IL7: variants seen among roughly 807,000 people sequenced by gnomAD.
The protein encoded by IL7 is interleukin 7.
A neutral mutation model predicts 21.6 loss-of-function variants in IL7; 3 were observed. The ratio of observed to expected loss-of-function variants is 0.14; its 90% CI spans 0.06 to 0.36. IL7 has a LOEUF of 0.36. IL7 is among the 10% of genes least tolerant of loss of function. IL7 has a pLI of 1.00. For synonymous variants in IL7, 62 were observed against 68.1 expected (o/e 0.91, Z 0.44); for missense variants, 175 against 200.2 (o/e 0.87, Z 0.76).
intron 5 of IL7, 38 bp downstream of exon 5, chr8:78,736,436 C>A: frequency 1.5e-6 from 2 of 1,341,604 alleles, no homozygotes; most frequent in Non-Finnish European, 1.0e-6. Flanking sequence ...GAGTAAAAAC[C>A]TGATGAACCA....
chr8:78,689,494 AGTTT>A, intron 3 of IL7: 30 of 850,072 alleles, frequency 3.5e-5, no homozygotes, highest in Middle Eastern at 3.6e-4. Context: ...ATAGATATAT[AGTTT>A]TATATATCTA....
At chr8:78,730,333 A>G (rs1811402720), downstream of IL7, among the ~76,000 whole-genome samples, 1 of 151,972 alleles carries the variant, frequency 6.6e-6, no homozygotes, top group African/African-American at 2.4e-5. Context: ...GTATTTTTAT[A>G]TTTAGACATT....
chr8:78,739,285 T>G (rs925767222), intron 3 of IL7, among the ~76,000 whole-genome samples: 4 of 152,160 alleles, frequency 2.6e-5, no homozygotes, highest in African/African-American at 9.7e-5. Flanking sequence ...TGGTAATCAT[T>G]TAGAGATAAG....
chr8:78,752,883 T>C (rs1441348372), intron 2 of IL7, among the ~76,000 whole-genome samples: 1 of 152,126 alleles, frequency 6.6e-6, no homozygotes, highest in Admixed American at 6.6e-5. Context: ...CTGAGAATGA[T>C]GGTTTCCTGC....
At chr8:78,756,361 T>A (rs1812347564) in intron 2 of IL7, among the ~76,000 whole-genome samples, 1 of 151,976 alleles carries the variant, frequency 6.6e-6, no homozygotes, top group Non-Finnish European at 1.5e-5. Context: ...CCTTTTCGTT[T>A]TTTTCTTTAA....
intron 2 of IL7, among the ~76,000 whole-genome samples, chr8:78,748,392 T>G (rs542762636): frequency 6.6e-6 from 1 of 152,268 alleles, no homozygotes; most frequent in African/African-American, 2.4e-5. Context: ...ATGAATAGAT[T>G]TGAGAAATAA....
intron 3 of IL7, among the ~76,000 whole-genome samples, chr8:78,704,245 G>T (rs190756179): frequency 3.3e-5 from 5 of 151,900 alleles, no homozygotes; most frequent in Admixed American, 3.3e-4. Context: ...AAAATTAGCC[G>T]GGTGTGGTTG....
downstream of IL7, chr8:78,717,234 C>G: frequency 8.7e-7 from 1 of 1,144,470 alleles, no homozygotes; most frequent in African/African-American, 1.6e-5. Flanking sequence ...ATTAAGCAGG[C>G]TAATTGTTAT....
chr8:78,795,402 C>A (rs1053964394), intron 2 of IL7, among the ~76,000 whole-genome samples: 8 of 152,056 alleles, frequency 5.3e-5, no homozygotes, highest in African/African-American at 1.9e-4. Flanking sequence ...CTCAGTTGGA[C>A]TGATTAGCTG....
At chr8:78,776,596 T>A (rs1269558622) in intron 2 of IL7, among the ~76,000 whole-genome samples, 1 of 152,112 alleles carries the variant, frequency 6.6e-6, no homozygotes, top group Non-Finnish European at 1.5e-5. Context: ...TTCTTAAGGA[T>A]GTGAGATAGG....
At chr8:78,787,646 C>T (rs1401992903) in intron 2 of IL7, among the ~76,000 whole-genome samples, 1 of 152,030 alleles carries the variant, frequency 6.6e-6, no homozygotes, top group Non-Finnish European at 1.5e-5. Flanking sequence ...AGTTTCCTCC[C>T]AACTGAGAAA....
intron 3 of IL7, chr8:78,686,579 C>T (rs1809981975): frequency 1.3e-6 from 2 of 1,518,336 alleles, no homozygotes; most frequent in South Asian, 1.4e-5. Context: ...GGCAAACTTC[C>T]TCCTCCTCCT....
intron 2 of IL7, among the ~76,000 whole-genome samples, chr8:78,758,387 T>G (rs1426613151): frequency 6.6e-6 from 1 of 152,142 alleles, no homozygotes; most frequent in Non-Finnish European, 1.5e-5. Flanking sequence ...GGTCATTTTC[T>G]GTAGTGACAA....
intron 3 of IL7, among the ~76,000 whole-genome samples, chr8:78,726,974 C>T (rs1199560435): frequency 6.6e-6 from 1 of 151,946 alleles, no homozygotes; most frequent in African/African-American, 2.4e-5. Context: ...GGACAGAGAT[C>T]CTTTCAGTTA....
intron 5 of IL7, among the ~76,000 whole-genome samples, chr8:78,735,990 A>T (rs1811579527): frequency 6.6e-6 from 1 of 151,190 alleles, no homozygotes; most frequent in South Asian, 2.1e-4. Flanking sequence ...AATAATGTCT[A>T]GTAGTATATG....
intron 3 of IL7, among the ~76,000 whole-genome samples, chr8:78,722,134 A>G (rs909176632): frequency 6.6e-6 from 1 of 152,020 alleles, no homozygotes; most frequent in South Asian, 2.1e-4. Context: ...AATTTTTAAA[A>G]TAAATGCACA....
At chr8:78,735,716 A>G (rs2130670037) in intron 5 of IL7, among the ~76,000 whole-genome samples, 1 of 152,320 alleles carries the variant, frequency 6.6e-6, no homozygotes, top group South Asian at 2.1e-4. Context: ...TAGAATCCCT[A>G]GAATTTCCTA....
intron 2 of IL7, among the ~76,000 whole-genome samples, chr8:78,765,111 C>T (rs1812714463): frequency 6.6e-6 from 1 of 152,022 alleles, no homozygotes; most frequent in African/African-American, 2.4e-5. Flanking sequence ...GCTAAGACAA[C>T]TGGACATTCA....
At position 78,804,793 on chromosome 8, in the gene IL7, T is replaced by A. The variant is rs576536637; in HGVS notation, c.10+120A>T. 2,413 of 1,150,326 alleles carry A rather than the reference T, an allele frequency of 2.1e-3. 4 individuals carry two copies. The highest frequency in any genetic ancestry group is 2.3e-3 in the Non-Finnish European group (1,793 of 787,790). 71.3% of individuals were successfully genotyped at this position (1,150,326 alleles called of 1,614,324 possible). A position where few individuals can be genotyped will look rare whatever the true frequency, so the allele number is the denominator to read the frequency against. On this transcript the variant is annotated intron_variant, in intron 1 of 5. Coordinates refer to ENST00000263851, the MANE Select transcript of IL7 (RefSeq NM_000880.4). Reference sequence around the variant, plus strand: ...TGGGAGAGCCAGTGCTCTCCGCAGGTCCAAAGTGCAAGGCCGGGCTATTCC... The same window carrying A: ...TGGGAGAGCCAGTGCTCTCCGCAGGACCAAAGTGCAAGGCCGGGCTATTCC...
Sources: gnomAD v4.1 joint callset for allele counts (sites outside exome capture counted in the v4.1 genomes callset) on GRCh38, gnomAD v4.1.1 for gene constraint, MANE v1.5 for transcripts, NCBI Gene and HGNC (gene_info 2026-07-23, HGNC 2026-07-21) for gene names.